EFCAB5: variants seen among roughly 807,000 people sequenced by gnomAD.
EFCAB5 encodes the protein EF-hand calcium binding domain 5, also known as EF-hand calcium-binding domain-containing protein 5.
In EFCAB5, 131 loss-of-function variants were observed where a neutral mutation model predicts 167.9. The observed-to-expected ratio is 0.78, with a 90% CI of 0.68 to 0.90. EFCAB5 has a LOEUF of 0.90. EFCAB5 is among the 40% of genes least tolerant of loss of function. The pLI is 0.00. For missense variants in EFCAB5, 1,663 were observed against 1,745.2 expected (o/e 0.95, Z 0.84); for synonymous variants, 574 against 602.8 (o/e 0.95, Z 0.70).
At chr17:30,021,053 C>T (rs956136958) in intron 7 of EFCAB5, among the ~76,000 whole-genome samples, 3 of 151,756 alleles carry the variant, frequency 2.0e-5, no homozygotes, top group African/African-American at 4.8e-5. Flanking sequence ...GTAGGAAAAG[C>T]AGAAAGGCTT....
At chr17:29,978,009 T>A (rs1403237441) in intron 4 of EFCAB5, among the ~76,000 whole-genome samples, 1 of 152,166 alleles carries the variant, frequency 6.6e-6, no homozygotes, top group African/African-American at 2.4e-5. Context: ...ATCTTACTCA[T>A]CCTTACAAGA....
At chr17:30,046,537 T>C (rs916806072) in intron 8 of EFCAB5, among the ~76,000 whole-genome samples, 1 of 152,172 alleles carries the variant, frequency 6.6e-6, no homozygotes, top group African/African-American at 2.4e-5. Context: ...CCCCCAAATA[T>C]AATGTGACAG....
upstream of EFCAB5, among the ~76,000 whole-genome samples, chr17:29,937,419 T>A (rs1252506658): frequency 6.6e-6 from 1 of 152,064 alleles, no homozygotes; most frequent in Non-Finnish European, 1.5e-5. Flanking sequence ...ACTCCTGACC[T>A]CAGGTGATCC....
chr17:30,048,540 G>C (rs2069992706), intron 8 of EFCAB5, among the ~76,000 whole-genome samples: 1 of 151,070 alleles, frequency 6.6e-6, no homozygotes, highest in African/African-American at 2.4e-5. Flanking sequence ...TGTCACCCAG[G>C]CTGGAGTACA....
chr17:29,956,803 G>A (rs2067624539), intron 3 of EFCAB5, among the ~76,000 whole-genome samples: 1 of 152,064 alleles, frequency 6.6e-6, no homozygotes, highest in Admixed American at 6.6e-5. Flanking sequence ...AGAAGTCACG[G>A]GAGTGATTGA....
rs1309224324 is a variant in EFCAB5 at position 29,986,502 on chromosome 17, C to T, written c.768-6663C>T. On this transcript the variant is annotated intron_variant, in intron 4 of 22. Coordinates refer to ENST00000394835, the MANE Select transcript of EFCAB5 (RefSeq NM_198529.4). ...CAATCAATAATGATTCCATAGGAAT[C>T]GTTGTGCAGCACCTCTCTGCCTGTT... Among the ~76,000 whole-genome samples the T allele has an allele frequency of 5.3e-5, 8 of 152,260 alleles. No homozygotes were observed. In the South Asian group the frequency reaches 6.2e-4, roughly 12 times the overall value.
intron 4 of EFCAB5, among the ~76,000 whole-genome samples, chr17:29,973,603 G>T (rs1334058111): frequency 4.1e-5 from 6 of 146,680 alleles, no homozygotes; most frequent in Admixed American, 3.4e-4. Context: ...TCAGCCTCCT[G>T]AGTAGCTGGG....
chr17:30,024,862 C>T lies in EFCAB5; in HGVS notation c.1045-9368C>T, dbSNP rs988495243. ...TATAGATCAATGGAACAGAACAGAG[C>T]CCTCAGAAATAACGCCGCATATCTA... On this transcript the variant is annotated intron_variant, in intron 7 of 22. Coordinates refer to ENST00000394835, the MANE Select transcript of EFCAB5 (RefSeq NM_198529.4). Among the ~76,000 whole-genome samples, 723 of 151,912 alleles carry T rather than the reference C, an allele frequency of 4.8e-3. 4 individuals are homozygous for T. The highest frequency in any genetic ancestry group is 0.017 in the African/African-American group (700 of 41,418).
chr17:30,056,887 A>G (rs1445373616), intron 12 of EFCAB5, among the ~76,000 whole-genome samples: 1 of 152,146 alleles, frequency 6.6e-6, no homozygotes, highest in African/African-American at 2.4e-5. Context: ...AGTCATCTTT[A>G]TATCAATTTT....
intron 8 of EFCAB5, among the ~76,000 whole-genome samples, chr17:30,041,611 G>C (rs2069776836): frequency 6.6e-6 from 1 of 152,226 alleles, no homozygotes; most frequent in Non-Finnish European, 1.5e-5. Context: ...GCAGCAAGTA[G>C]GGTTTGAAAG....
Position 30,090,636 on chromosome 17 carries a change from G to A in EFCAB5, c.3899G>A (p.Gly1300Asp). ...VVQVACYEIL[G>D]EFSGEIKKKY... is the part of the protein sequence containing the mutation. The stretch of plus-strand genomic sequence containing the variant: ...CAAGTGGCCTGCTATGAAATACTTG[G>A]CGAGTTCTCTGGAGAGATAAAGAAA... The change falls in exon 20 of 23, where the codon GGC (glycine) becomes GAC (aspartate). Residue 1300 changes from glycine to aspartate, a missense_variant. Physicochemically the swap from Gly to Asp is moderately conservative, Grantham distance 94 (BLOSUM62 -1). Transcript: ENST00000394835. 1 of 1,613,822 alleles carries A rather than the reference G, an allele frequency of 6.2e-7. No individual in the cohort carries two copies. Among genetic ancestry groups the A allele is most frequent in the Non-Finnish European group, 8.5e-7 (1 of 1,179,876 alleles).
intron 14 of EFCAB5, chr17:30,068,782 C>A: frequency 7.4e-7 from 1 of 1,350,352 alleles, no homozygotes; most frequent in Non-Finnish European, 1.1e-6. Context: ...CTTCTCCAGC[C>A]GGGCCCGCGA....
intron 4 of EFCAB5, among the ~76,000 whole-genome samples, chr17:29,984,562 ATAAAAAAT>A (rs1193319650): frequency 6.6e-6 from 1 of 152,010 alleles, no homozygotes; most frequent in Non-Finnish European, 1.5e-5. Context: ...TACTAAAAAT[ATAAAAAAT>A]TAGCCAGACT....
chr17:30,038,896 C>T (rs999861728), intron 8 of EFCAB5, among the ~76,000 whole-genome samples: 1 of 152,086 alleles, frequency 6.6e-6, no homozygotes, highest in Non-Finnish European at 1.5e-5. Flanking sequence ...GTCTCTGGTC[C>T]TTTCTCATGA....
intron 14 of EFCAB5, among the ~76,000 whole-genome samples, chr17:30,075,545 T>C (rs1456599722): frequency 6.6e-6 from 1 of 152,128 alleles, no homozygotes; most frequent in East Asian, 1.9e-4. Flanking sequence ...ATCCCTCGAT[T>C]TGGATGCCCT....
intron 1 of EFCAB5, among the ~76,000 whole-genome samples, chr17:29,932,774 A>G (rs559954636): frequency 2.0e-5 from 3 of 152,134 alleles, no homozygotes; most frequent in South Asian, 4.2e-4. Flanking sequence ...CTTTTTCTTA[A>G]TAGTAGAAGT....
rs552492478 is a variant in EFCAB5, at chr17:29,964,631, G to A, written c.191-4160G>A. Among the ~76,000 whole-genome samples, 10 of 152,032 alleles carry A rather than the reference G, an allele frequency of 6.6e-5. No homozygotes were observed. In the East Asian group the frequency reaches 1.7e-3, roughly 26 times the overall value. Reference sequence around the variant, plus strand: ...TGTTTTTGTTTTTTAATCTCTGTAAGGTTGGTGATAATGTCCCCACTTTCA... The same window carrying A: ...TGTTTTTGTTTTTTAATCTCTGTAAAGTTGGTGATAATGTCCCCACTTTCA... On this transcript the variant is annotated intron_variant, in intron 3 of 22. Transcript: ENST00000394835.
intron 4 of EFCAB5, among the ~76,000 whole-genome samples, chr17:29,974,067 G>A (rs2151591375): frequency 6.6e-6 from 1 of 150,392 alleles, no homozygotes; most frequent in East Asian, 2.0e-4. Flanking sequence ...TGAGGCAGGA[G>A]AATTGCTTGA....
At chr17:30,090,737 G>C (rs2071179932) in intron 20 of EFCAB5, 63 bp downstream of exon 20, 3 of 1,535,782 alleles carry the variant, frequency 2.0e-6, no homozygotes, top group Non-Finnish European at 2.6e-6. Flanking sequence ...AAATCACAGG[G>C]AGTGCAATGA....
Sources: allele counts gnomAD v4.1 joint callset (sites outside exome capture counted in the v4.1 genomes callset), GRCh38; gene constraint gnomAD v4.1.1; transcripts MANE v1.5; gene names NCBI Gene and HGNC (gene_info 2026-07-23, HGNC 2026-07-21).